ASAP2: variants seen among roughly 807,000 people sequenced by gnomAD.
The protein encoded by ASAP2 is arf-GAP with SH3 domain, ANK repeat and PH domain-containing protein 2.
A neutral mutation model predicts 131.4 loss-of-function variants in ASAP2; 45 were observed. The observed-to-expected ratio is 0.34, with a 90% CI of 0.27 to 0.44. The LOEUF is 0.44. Ranked by LOEUF, ASAP2 falls within the 20% of genes least tolerant of loss-of-function variation. The pLI is 1.00. For synonymous variants in ASAP2, 510 were observed against 503.0 expected (o/e 1.01, Z -0.19); for missense variants, 1,011 against 1,297.0 (o/e 0.78, Z 3.39).
intron 2 of ASAP2, among the ~76,000 whole-genome samples, chr2:9,292,731 T>C (rs1667898295): frequency 6.6e-6 from 1 of 152,190 alleles, no homozygotes; most frequent in Admixed American, 6.5e-5. Flanking sequence ...GCATTGTAAG[T>C]GATCAGTGCA....
At chr2:9,339,267 A>C (rs1368117690) in intron 9 of ASAP2, among the ~76,000 whole-genome samples, 1 of 152,070 alleles carries the variant, frequency 6.6e-6, no homozygotes, top group African/African-American at 2.4e-5. Flanking sequence ...TCTGACTAGG[A>C]CGGGGTTGCC....
intron 1 of ASAP2, among the ~76,000 whole-genome samples, chr2:9,277,825 G>A (rs894785177): frequency 2.6e-5 from 4 of 152,196 alleles, no homozygotes; most frequent in East Asian, 1.9e-4. Context: ...CAGCCACTCT[G>A]TCAAATGTCT....
intron 1 of ASAP2, among the ~76,000 whole-genome samples, chr2:9,230,355 C>T (rs940179062): frequency 3.3e-5 from 5 of 152,288 alleles, no homozygotes; most frequent in South Asian, 2.1e-4. Flanking sequence ...GCTGCCACTG[C>T]GAGCCTGTGT....
intron 11 of ASAP2, among the ~76,000 whole-genome samples, chr2:9,349,376 C>T (rs560071375): frequency 6.6e-6 from 1 of 152,116 alleles, no homozygotes; most frequent in Non-Finnish European, 1.5e-5. Context: ...TGGGTGTACA[C>T]CCGTGTTAAA....
intron 5 of ASAP2, among the ~76,000 whole-genome samples, chr2:9,321,363 T>C (rs930194287): frequency 2.0e-5 from 3 of 152,134 alleles, no homozygotes; most frequent in Non-Finnish European, 4.4e-5. Flanking sequence ...TGGAGTTTCA[T>C]TGATGGTGTA....
rs1300822143 is a variant in ASAP2 at position 9,232,795 on chromosome 2, T to A, written c.126+25565T>A. ...TTGGTTCATAGAAAGCTTGTTTCTC[T>A]GGCCATGGGGACTTGATTCTTAGAG... is the stretch of plus-strand genomic sequence containing the variant. On this transcript the variant is annotated intron_variant, in intron 1 of 27. Transcript: ENST00000281419. This position sits in a 1 kb window ranked among gnomAD's most constrained non-coding sequence, Gnocchi z 4.1. Among the ~76,000 whole-genome samples, 1 of 152,230 alleles carries A rather than the reference T, an allele frequency of 6.6e-6. No homozygotes were observed. Among genetic ancestry groups the A allele is most frequent in the African/African-American group, 2.4e-5 (1 of 41,468 alleles).
chr2:9,298,822 G>A (rs1668313897), intron 3 of ASAP2, among the ~76,000 whole-genome samples: 1 of 152,314 alleles, frequency 6.6e-6, no homozygotes, highest in Non-Finnish European at 1.5e-5. Flanking sequence ...CTGCCTGTTA[G>A]CTTCCTGGTG....
At chr2:9,243,467 A>T (rs1193737739) in intron 1 of ASAP2, among the ~76,000 whole-genome samples, 1 of 152,208 alleles carries the variant, frequency 6.6e-6, no homozygotes, top group Non-Finnish European at 1.5e-5. Context: ...GTTGTTTAGG[A>T]ACTCAGACGG....
At chr2:9,265,723 G>T (rs185014821) in intron 1 of ASAP2, among the ~76,000 whole-genome samples, 46 of 152,182 alleles carry the variant, frequency 3.0e-4, no homozygotes, top group African/African-American at 1.0e-3. Flanking sequence ...GTGTGTGTGT[G>T]TGTGTCTGTG....
At chr2:9,313,354 A>C (rs1417419909) in intron 3 of ASAP2, among the ~76,000 whole-genome samples, 1 of 152,184 alleles carries the variant, frequency 6.6e-6, no homozygotes, top group Non-Finnish European at 1.5e-5. Flanking sequence ...GGATAAACCA[A>C]ATTGTGATGA....
intron 12 of ASAP2, 92 bp downstream of exon 12, chr2:9,350,987 G>A: frequency 9.9e-7 from 1 of 1,012,006 alleles, no homozygotes; most frequent in Non-Finnish European, 1.4e-6. Flanking sequence ...GCATTCGGAA[G>A]AATTGGTTTT....
At chr2:9,335,821 T>TGA (rs1285720022) in intron 9 of ASAP2, among the ~76,000 whole-genome samples, 11 of 152,218 alleles carry the variant, frequency 7.2e-5, no homozygotes, top group African/African-American at 2.7e-4. Context: ...ACAATGTGGG[T>TGA]ATCATAATGT....
intron 1 of ASAP2, among the ~76,000 whole-genome samples, chr2:9,259,296 C>G (rs1386310276): frequency 6.6e-6 from 1 of 152,228 alleles, no homozygotes; most frequent in African/African-American, 2.4e-5. Context: ...TTTGCTGACC[C>G]TAGCAGCACA....
intron 15 of ASAP2, among the ~76,000 whole-genome samples, chr2:9,359,581 C>T (rs373613557): frequency 4.0e-4 from 61 of 152,176 alleles, no homozygotes; most frequent in African/African-American, 1.4e-3. Context: ...CCTGGGATAG[C>T]TGGATGTTGA....
At position 9,268,092 on chromosome 2, in the gene ASAP2, C is replaced by A. The variant is rs886388333; in HGVS notation, c.127-11225C>A. Among the ~76,000 whole-genome samples, 7 of 151,962 alleles carry A rather than the reference C, an allele frequency of 4.6e-5. No homozygotes were observed. Among genetic ancestry groups the A allele is most frequent in the African/African-American group, 1.7e-4 (7 of 41,378 alleles). On this transcript the variant is annotated intron_variant, in intron 1 of 27. Coordinates refer to ENST00000281419, the MANE Select transcript of ASAP2 (RefSeq NM_003887.3). The surrounding 1 kb of genome is among the most constrained non-coding windows in gnomAD (Gnocchi z 4.1). ...CCTAAACATAAACAATTTAGTTTGG[C>A]CTGTTTTTGAACTTTTTATACTGCA...
intron 19 of ASAP2, among the ~76,000 whole-genome samples, chr2:9,379,667 A>G (rs1175216880): frequency 6.6e-6 from 1 of 152,208 alleles, no homozygotes; most frequent in African/African-American, 2.4e-5. Context: ...AGAATAGAAA[A>G]AAGACACACA....
rs1670582390 is a variant in ASAP2 at position 9,327,930 on chromosome 2, T to A, written c.686+19T>A. On this transcript the variant is annotated intron_variant, in intron 7 of 27. Transcript: ENST00000281419. ...AATGCAAGTAAGTTCTTCTCTGTTA[T>A]GTTATCTTAAATGTTTGTTCATGTG... 2.6e-6 allele frequency: 4 copies of A among 1,543,758 alleles called. No individual in the cohort carries two copies. The South Asian group carries it at 5.0e-5, about 19-fold the overall frequency.
chr2:9,385,200 C>A, intron 20 of ASAP2, 45 bp from the exon 21 acceptor site: 2 of 1,459,576 alleles, frequency 1.4e-6, no homozygotes, highest in Non-Finnish European at 1.9e-6. Context: ...AGATGCATGG[C>A]CGAGTGTATG....
intron 18 of ASAP2, among the ~76,000 whole-genome samples, chr2:9,377,803 A>G (rs1674520952): frequency 6.6e-6 from 1 of 152,122 alleles, no homozygotes. Flanking sequence ...AAATGGCCAG[A>G]AAGTAGGGGA....
Sources: gnomAD v4.1 joint callset for allele counts (sites outside exome capture counted in the v4.1 genomes callset) on GRCh38, gnomAD v4.1.1 for gene constraint, Gnocchi (gnomAD v3.1) non-coding constraint, MANE v1.5 for transcripts, NCBI Gene and HGNC (gene_info 2026-07-23, HGNC 2026-07-21) for gene names.